The following SWT1 variants were observed in gnomAD, a reference collection of about 807,000 sequenced individuals.
SWT1 encodes the protein transcriptional protein SWT1.
Under a neutral mutation model 107.3 loss-of-function variants are expected in SWT1, and 33 were observed. That is an observed-to-expected ratio of 0.31 (90% confidence interval 0.23 to 0.41). The LOEUF is 0.41. SWT1 is among the 10% of genes least tolerant of loss of function. SWT1 has a pLI of 1.00. For synonymous variants in SWT1, 345 were observed against 348.3 expected, an observed-to-expected ratio of 0.99 and a Z score of 0.11; for missense variants, 898 against 1,028.9, an observed-to-expected ratio of 0.87 and a Z score of 1.74.
At chr1:185,171,808 C>T (rs1655094181) in intron 4 of SWT1, 1 of 352,036 alleles carries the variant, frequency 2.8e-6, no homozygotes, top group Non-Finnish European at 5.5e-6. Context: ...AACTCTTGGG[C>T]TCAAGTGATC....
chr1:185,269,367 G>GT (rs1191849201), intron 16 of SWT1, among the ~76,000 whole-genome samples: 2,918 of 132,244 alleles, frequency 0.022, 116 homozygotes, highest in African/African-American at 0.083. Context: ...GGGTTAAGAG[G>GT]TTTTTGTTTT....
intron 16 of SWT1, chr1:185,257,937 G>C (rs1558082873): frequency 6.6e-6 from 1 of 152,106 alleles, no homozygotes; most frequent in Non-Finnish European, 1.5e-5. Flanking sequence ...GAAGCAGTGG[G>C]AGTGGAGAAA....
rs1422855020 is a variant in SWT1, at chr1:185,188,227, T to C, written c.1430-2322T>C. On this transcript the variant is annotated intron_variant, in intron 9 of 18. Coordinates refer to ENST00000367500, the MANE Select transcript of SWT1 (RefSeq NM_017673.7). The stretch of plus-strand genomic sequence containing the variant: ...ATGTACAGGTGCTCAAAAGTATTTA[T>C]TGAATAACTAAAGATTTCATGAATA... 2.6e-5 allele frequency among the ~76,000 whole-genome samples: 4 copies of C among 152,320 alleles called. No individual in the cohort carries two copies. The South Asian group carries it at 8.3e-4, about 32-fold the overall frequency.
At chr1:185,286,992 A>G (rs1364407156) in intron 18 of SWT1, among the ~76,000 whole-genome samples, 1 of 152,186 alleles carries the variant, frequency 6.6e-6, no homozygotes, top group Non-Finnish European at 1.5e-5. Context: ...TTTATATATT[A>G]CATTGTATTT....
chr1:185,213,806 T>C (rs556961777), intron 13 of SWT1, among the ~76,000 whole-genome samples: 1 of 152,342 alleles, frequency 6.6e-6, no homozygotes, highest in Non-Finnish European at 1.5e-5. Context: ...TGTCACCAGC[T>C]TTCCCAACTA....
At chr1:185,261,611 C>T (rs954361421) in intron 16 of SWT1, among the ~76,000 whole-genome samples, 7 of 151,824 alleles carry the variant, frequency 4.6e-5, no homozygotes, top group African/African-American at 1.7e-4. Context: ...ATTTTAATTC[C>T]CAACAAGAGT....
At chr1:185,197,327 T>C (rs944734046) in intron 10 of SWT1, among the ~76,000 whole-genome samples, 2 of 152,200 alleles carry the variant, frequency 1.3e-5, no homozygotes, top group Non-Finnish European at 2.9e-5. Flanking sequence ...TTGATCATGG[T>C]GGATAAGCTT....
intron 9 of SWT1, among the ~76,000 whole-genome samples, chr1:185,187,594 TTAA>T (rs1420035627): frequency 2.6e-5 from 4 of 152,218 alleles, no homozygotes; most frequent in African/African-American, 7.2e-5. Context: ...ATTAAACATC[TTAA>T]TAACTATGAT....
intron 14 of SWT1, among the ~76,000 whole-genome samples, chr1:185,217,738 G>T (rs1414036429): frequency 6.6e-6 from 1 of 152,072 alleles, no homozygotes; most frequent in Non-Finnish European, 1.5e-5. Context: ...TGGGATTACA[G>T]GCACGTCCTA....
At chr1:185,228,082 C>T (rs975668325) in intron 15 of SWT1, among the ~76,000 whole-genome samples, 1 of 150,096 alleles carries the variant, frequency 6.7e-6, no homozygotes, top group Admixed American at 6.7e-5. Context: ...CAGAGTGAGA[C>T]CCTATCTCAA....
At chr1:185,173,317 A>T (rs898292683) in intron 4 of SWT1, among the ~76,000 whole-genome samples, 1 of 152,040 alleles carries the variant, frequency 6.6e-6, no homozygotes, top group Non-Finnish European at 1.5e-5. Context: ...TTAATACGCT[A>T]AAGTTTTAAA....
At chr1:185,189,966 A>G (rs1000994564) in intron 9 of SWT1, among the ~76,000 whole-genome samples, 4 of 151,754 alleles carry the variant, frequency 2.6e-5, no homozygotes, top group Non-Finnish European at 5.9e-5. Flanking sequence ...CTCCTGCCTC[A>G]GATTCCCAGT....
At chr1:185,250,922 C>T (rs780333473) in intron 16 of SWT1, among the ~76,000 whole-genome samples, 7 of 152,180 alleles carry the variant, frequency 4.6e-5, no homozygotes, top group Non-Finnish European at 1.0e-4. Flanking sequence ...CTCGGCCTCC[C>T]AAAGTGCTGG....
chr1:185,272,759 G>A (rs922930952), intron 17 of SWT1, among the ~76,000 whole-genome samples: 1 of 152,186 alleles, frequency 6.6e-6, no homozygotes, highest in Admixed American at 6.5e-5. Context: ...GTCTTGGCCA[G>A]GCTTGGTGGT....
intron 16 of SWT1, among the ~76,000 whole-genome samples, chr1:185,246,276 T>C (rs1661601005): frequency 6.6e-6 from 1 of 152,004 alleles, no homozygotes; most frequent in Admixed American, 6.6e-5. Flanking sequence ...ATCACATCCT[T>C]TAAATTTTTA....
At chr1:185,259,691 TC>T (rs1662888278) in intron 16 of SWT1, among the ~76,000 whole-genome samples, 1 of 152,166 alleles carries the variant, frequency 6.6e-6, no homozygotes, top group Admixed American at 6.5e-5. Flanking sequence ...TACTCTCTTT[TC>T]TACTCTAAAG....
chr1:185,184,229 C>T lies in SWT1; in HGVS notation c.1139-14C>T, dbSNP rs376455244. 61 of 1,326,894 alleles carry T rather than the reference C, an allele frequency of 4.6e-5. No homozygotes were observed. Among genetic ancestry groups the T allele is most frequent in the African/African-American group, 3.8e-4 (26 of 67,574 alleles). The allele number at this position is 1,326,894 out of a possible 1,614,324, so 82.2% of individuals were successfully genotyped here. A position where few individuals can be genotyped will look rare whatever the true frequency, so the allele number is the denominator to read the frequency against. On this transcript the variant is annotated splice_polypyrimidine_tract_variant and intron_variant, in intron 7 of 18. Coordinates refer to ENST00000367500, the MANE Select transcript of SWT1 (RefSeq NM_017673.7). ...GTTATCAAGTGTCATGAAATATTTGCTCTTTTTCTTTAGCAAATAATACTT... is the reference window on the plus strand; with the variant it reads ...GTTATCAAGTGTCATGAAATATTTGTTCTTTTTCTTTAGCAAATAATACTT...
At chr1:185,218,577 C>T (rs914139081) in intron 14 of SWT1, among the ~76,000 whole-genome samples, 9 of 152,138 alleles carry the variant, frequency 5.9e-5, no homozygotes, top group Admixed American at 3.3e-4. Flanking sequence ...TCCTAAAGTG[C>T]TAGGATTACA....
At chr1:185,214,287 A>T (rs1659050368) in intron 13 of SWT1, among the ~76,000 whole-genome samples, 1 of 152,138 alleles carries the variant, frequency 6.6e-6, no homozygotes, top group South Asian at 2.1e-4. Flanking sequence ...AGAACTCCTG[A>T]AATCTGAATT....
Sources: allele counts gnomAD v4.1 joint callset (sites outside exome capture counted in the v4.1 genomes callset), GRCh38; gene constraint gnomAD v4.1.1; transcripts MANE v1.5; gene names NCBI Gene and HGNC (gene_info 2026-07-23, HGNC 2026-07-21).